The following GRM1 variants were observed in gnomAD, a reference collection of about 807,000 sequenced individuals.
GRM1 encodes the protein glutamate metabotropic receptor 1.
Under a neutral mutation model 90.9 loss-of-function variants are expected in GRM1, and 33 were observed. The ratio of observed to expected loss-of-function variants is 0.36; its 90% CI spans 0.28 to 0.49. The LOEUF (loss-of-function observed/expected upper bound fraction) is 0.49, where lower values mean the gene tolerates loss of function less well. Among genes scored for constraint, GRM1 ranks in the 20% least tolerant of loss-of-function variants. The probability of loss-of-function intolerance (pLI) is 0.99; values close to 1 mark genes in which losing one functional copy is unlikely to be tolerated. For missense variants in GRM1, 1,190 were observed against 1,534.3 expected, an observed-to-expected ratio of 0.78 and a Z score of 3.75; for synonymous variants, 700 against 613.2, an observed-to-expected ratio of 1.14 and a Z score of -2.09.
chr6:146,378,880 G>A (rs560610720), intron 5 of GRM1, among the ~76,000 whole-genome samples: 1 of 152,198 alleles, frequency 6.6e-6, no homozygotes, highest in South Asian at 2.1e-4. Flanking sequence ...AGAAGTGAAT[G>A]ATTTTATAAA....
chr6:146,030,578 A>T (rs1790670330), intron 1 of GRM1, among the ~76,000 whole-genome samples: 1 of 152,160 alleles, frequency 6.6e-6, no homozygotes, highest in Non-Finnish European at 1.5e-5. Flanking sequence ...ACTGGCTATG[A>T]CTTTCCAGGT....
chr6:146,346,505 A>G (rs144403929), intron 3 of GRM1, among the ~76,000 whole-genome samples: 2 of 151,726 alleles, frequency 1.3e-5, no homozygotes, highest in Non-Finnish European at 2.9e-5. Flanking sequence ...GGGAAAGAGT[A>G]AAATATAGTG....
At chr6:146,178,166 CT>C (rs1355200650) in intron 2 of GRM1, among the ~76,000 whole-genome samples, 1 of 152,080 alleles carries the variant, frequency 6.6e-6, no homozygotes, top group African/African-American at 2.4e-5. Flanking sequence ...CCTTAGACTC[CT>C]TTTGGGTATG....
chr6:146,077,007 G>A (rs543697950), intron 1 of GRM1, among the ~76,000 whole-genome samples: 363 of 152,230 alleles, frequency 2.4e-3, no homozygotes, highest in Middle Eastern at 6.8e-3. Flanking sequence ...ATCTAGAGAG[G>A]GTAGGTGTGT....
intron 7 of GRM1, among the ~76,000 whole-genome samples, chr6:146,410,570 G>A (rs79956385): frequency 0.042 from 6,390 of 152,206 alleles, 473 homozygotes; most frequent in African/African-American, 0.14. Context: ...CAACAGAGGA[G>A]GTAGGGAATG....
intron 6 of GRM1, among the ~76,000 whole-genome samples, chr6:146,387,736 G>A (rs1776561218): frequency 6.6e-6 from 1 of 152,048 alleles, no homozygotes; most frequent in South Asian, 2.1e-4. Flanking sequence ...GGTCAGAAAT[G>A]AGAATAGACA....
intron 3 of GRM1, among the ~76,000 whole-genome samples, chr6:146,307,965 G>A (rs974167773): frequency 6.6e-6 from 1 of 152,152 alleles, no homozygotes; most frequent in Non-Finnish European, 1.5e-5. Flanking sequence ...TCAAGGGATT[G>A]GAGGTGTGTT....
intron 2 of GRM1, among the ~76,000 whole-genome samples, chr6:146,282,225 T>C (rs1261018602): frequency 6.6e-6 from 1 of 152,206 alleles, no homozygotes; most frequent in Non-Finnish European, 1.5e-5. Context: ...TTATCTAATA[T>C]TTAGCTGAAA....
At chr6:146,117,582 TC>T (rs1346530779) in intron 1 of GRM1, among the ~76,000 whole-genome samples, 2 of 152,108 alleles carry the variant, frequency 1.3e-5, no homozygotes, top group Non-Finnish European at 2.9e-5. Flanking sequence ...TTTTATGACT[TC>T]TTTTTTTTGT....
At position 146,357,682 on chromosome 6, in the gene GRM1, G is replaced by A. The variant is rs2115054558; in HGVS notation, c.1590G>A (p.Lys530=). The A allele has an allele frequency of 6.2e-7, 1 of 1,613,894 alleles. No homozygotes were observed. Among genetic ancestry groups the A allele is most frequent in the Non-Finnish European group, 8.5e-7 (1 of 1,179,822 alleles). ...VRSVCSEPCL[K]GQIKVIRKGE... ...CTGTGTGCAGTGAGCCTTGCTTAAA[G>A]GGCCAGATTAAGGTAAGCCACAAAT... The change falls in exon 5 of 8, where the codon AAG becomes AAA. Residue 530 remains lysine, a synonymous_variant. Coordinates refer to ENST00000282753, the MANE Select transcript of GRM1 (RefSeq NM_001278064.2).
At chr6:146,296,330 G>A (rs1199349345) in intron 2 of GRM1, among the ~76,000 whole-genome samples, 1 of 152,174 alleles carries the variant, frequency 6.6e-6, no homozygotes, top group Non-Finnish European at 1.5e-5. Context: ...GGAGTACAAT[G>A]TGATGTTGTG....
At chr6:146,218,600 T>C (rs1054321981) in intron 2 of GRM1, among the ~76,000 whole-genome samples, 21 of 152,212 alleles carry the variant, frequency 1.4e-4, no homozygotes, top group African/African-American at 5.1e-4. Context: ...TAGTTCCTTG[T>C]TGAATAAAAT....
At chr6:146,323,834 T>C (rs947717667) in intron 3 of GRM1, among the ~76,000 whole-genome samples, 2 of 152,232 alleles carry the variant, frequency 1.3e-5, no homozygotes, top group African/African-American at 4.8e-5. Context: ...CCCAGCACCA[T>C]TTGTTAAATA....
chr6:146,176,392 C>A (rs1257908969), intron 2 of GRM1, among the ~76,000 whole-genome samples: 1 of 151,946 alleles, frequency 6.6e-6, no homozygotes, highest in Admixed American at 6.6e-5. Flanking sequence ...TAATATCTTA[C>A]CTGTTTTTGA....
chr6:146,115,616 T>A (rs1052663764), intron 1 of GRM1, among the ~76,000 whole-genome samples: 7 of 152,202 alleles, frequency 4.6e-5, no homozygotes, highest in Non-Finnish European at 8.8e-5. Flanking sequence ...TATAATTTTT[T>A]AATACCGTCT....
chr6:146,418,408 T>C (rs2114649939), intron 7 of GRM1, among the ~76,000 whole-genome samples: 1 of 151,740 alleles, frequency 6.6e-6, no homozygotes, highest in East Asian at 1.9e-4. Context: ...ATTTACAGTG[T>C]GCAATTTGGA....
chr6:146,280,492 T>C (rs1356215793), intron 2 of GRM1, among the ~76,000 whole-genome samples: 1 of 152,194 alleles, frequency 6.6e-6, no homozygotes, highest in Non-Finnish European at 1.5e-5. Flanking sequence ...GGATTAATAG[T>C]TGAATCCCTT....
At chr6:146,294,832 T>C (rs1562588545) in intron 2 of GRM1, among the ~76,000 whole-genome samples, 1 of 152,218 alleles carries the variant, frequency 6.6e-6, no homozygotes, top group Admixed American at 6.5e-5. Context: ...TATCTTACAT[T>C]ACTATAACAA....
At chr6:146,119,564 A>G (rs1181613621) in intron 1 of GRM1, among the ~76,000 whole-genome samples, 1 of 152,104 alleles carries the variant, frequency 6.6e-6, no homozygotes, top group Non-Finnish European at 1.5e-5. Flanking sequence ...TAGAGTTTTT[A>G]TGGTTTTAGG....
Sources: gnomAD v4.1 joint callset for allele counts (sites outside exome capture counted in the v4.1 genomes callset) on GRCh38, gnomAD v4.1.1 for gene constraint, MANE v1.5 for transcripts, NCBI Gene and HGNC (gene_info 2026-07-23, HGNC 2026-07-21) for gene names.